The following DCDC2 variants were observed in gnomAD, a reference collection of about 807,000 sequenced individuals.
The protein encoded by DCDC2 is doublecortin domain containing 2.
A neutral mutation model predicts 50.2 loss-of-function variants in DCDC2; 40 were observed. The observed-to-expected ratio is 0.80, with a 90% CI of 0.62 to 1.04. DCDC2 has a LOEUF of 1.04. Among genes scored for constraint, DCDC2 ranks in the 50% least tolerant of loss-of-function variants. The probability of loss-of-function intolerance (pLI) is 0.00; values close to 1 mark genes in which losing one functional copy is unlikely to be tolerated. For missense variants in DCDC2, 570 were observed against 581.9 expected, an observed-to-expected ratio of 0.98 and a Z score of 0.21; for synonymous variants, 234 against 210.6, an observed-to-expected ratio of 1.11 and a Z score of -0.96.
intron 2 of DCDC2, among the ~76,000 whole-genome samples, chr6:24,342,560 T>C (rs1056709917): frequency 2.0e-5 from 3 of 152,192 alleles, no homozygotes; most frequent in Non-Finnish European, 4.4e-5. Context: ...GAAATTTAAA[T>C]AAGCCTCAAT....
At chr6:24,242,538 GC>G (rs1762586044) in intron 7 of DCDC2, among the ~76,000 whole-genome samples, 1 of 152,144 alleles carries the variant, frequency 6.6e-6, no homozygotes, top group African/African-American at 2.4e-5. Flanking sequence ...CCCACCGCCA[GC>G]CTCTGTGAGA....
intron 2 of DCDC2, among the ~76,000 whole-genome samples, chr6:24,312,252 C>T (rs941149229): frequency 1.3e-5 from 2 of 151,978 alleles, no homozygotes; most frequent in Non-Finnish European, 1.5e-5. Flanking sequence ...TCTGACTGCA[C>T]CCAGGTGATT....
chr6:24,344,947 C>T (rs1295059774), intron 2 of DCDC2, among the ~76,000 whole-genome samples: 2 of 152,084 alleles, frequency 1.3e-5, no homozygotes, highest in East Asian at 3.8e-4. Flanking sequence ...TGGGGAGGGG[C>T]TTCAATATTT....
chr6:24,228,634 C>CT (rs1472827702), intron 7 of DCDC2, among the ~76,000 whole-genome samples: 1 of 152,162 alleles, frequency 6.6e-6, no homozygotes, highest in Non-Finnish European at 1.5e-5. Context: ...ATAAGCATTT[C>CT]CAAGTCATTT....
intron 7 of DCDC2, among the ~76,000 whole-genome samples, chr6:24,243,548 GTTA>G (rs909305164): frequency 9.0e-5 from 13 of 143,928 alleles, no homozygotes; most frequent in African/African-American, 3.2e-4. Context: ...GTTAGCTATT[GTTA>G]TTATTATTAT....
At chr6:24,361,870 T>C (rs542649650), upstream of DCDC2, among the ~76,000 whole-genome samples, 1 of 152,294 alleles carries the variant, frequency 6.6e-6, no homozygotes, top group South Asian at 2.1e-4. Flanking sequence ...CTCCTGAGCT[T>C]AGATTCATTT....
In DCDC2 at chr6:24,280,368, GT is replaced by G. The variant is rs1250931728; in HGVS notation, c.760-2158del. 1.5e-3 allele frequency among the ~76,000 whole-genome samples: 210 copies of G among 140,594 alleles called. 1 individual carries two copies. Among genetic ancestry groups the G allele is most frequent in the East Asian group, 6.6e-3 (32 of 4,868 alleles). The allele number at this position is 140,594 out of a possible 152,430, so 92.2% of individuals were successfully genotyped here. A position where few individuals can be genotyped will look rare whatever the true frequency, so the allele number is the denominator to read the frequency against. On this transcript the variant is annotated intron_variant, in intron 6 of 9. Transcript: ENST00000378454. ...ATTATTATGGTCACTGCAACCAGGG[GT>G]TTTTTTTTTTTTTCTTTTCTTTGAG...
intron 7 of DCDC2, among the ~76,000 whole-genome samples, chr6:24,218,102 A>T (rs573025077): frequency 9.9e-5 from 15 of 152,222 alleles, no homozygotes; most frequent in African/African-American, 3.4e-4. Flanking sequence ...TCAGCAATTG[A>T]CACAAACACA....
intron 7 of DCDC2, among the ~76,000 whole-genome samples, chr6:24,221,770 G>T (rs746363781): frequency 6.6e-6 from 1 of 152,176 alleles, no homozygotes; most frequent in Non-Finnish European, 1.5e-5. Flanking sequence ...TGCCTAAGGC[G>T]GCATAGGCAG....
At chr6:24,309,304 G>A (rs1179486394) in intron 2 of DCDC2, among the ~76,000 whole-genome samples, 1 of 150,090 alleles carries the variant, frequency 6.7e-6, no homozygotes, top group African/African-American at 2.5e-5. Context: ...CAGCCCGGGC[G>A]ACACAGTGCA....
Position 24,291,091 on chromosome 6 carries a change from T to A in DCDC2, c.558-13A>T. 2 of 1,606,272 alleles carry A rather than the reference T, an allele frequency of 1.2e-6. No homozygotes were observed. Among genetic ancestry groups the A allele is most frequent in the Non-Finnish European group, 1.7e-6 (2 of 1,177,696 alleles). On this transcript the variant is annotated splice_polypyrimidine_tract_variant and intron_variant, in intron 4 of 9. Coordinates refer to ENST00000378454, the MANE Select transcript of DCDC2 (RefSeq NM_016356.5). ...TAAAGTATAAAGCCTGTCGAAAATA[T>A]GAACACCAACAATTAGAATTTTAAC...
At chr6:24,217,841 C>G (rs1446790785) in intron 7 of DCDC2, among the ~76,000 whole-genome samples, 1 of 152,178 alleles carries the variant, frequency 6.6e-6, no homozygotes, top group African/African-American at 2.4e-5. Context: ...GGTGGTTAAT[C>G]TTCCATCTTA....
chr6:24,323,161 G>A (rs960518166), intron 2 of DCDC2, among the ~76,000 whole-genome samples: 26 of 152,224 alleles, frequency 1.7e-4, no homozygotes, highest in African/African-American at 6.3e-4. Context: ...AGTGAGCCAA[G>A]ATTATGCCAC....
intron 6 of DCDC2, among the ~76,000 whole-genome samples, chr6:24,285,347 C>A (rs1763578423): frequency 1.3e-5 from 2 of 152,332 alleles, no homozygotes; most frequent in South Asian, 2.1e-4. Context: ...ACGTCACTTC[C>A]TCCATGAGGC....
chr6:24,218,699 G>A (rs912628237), intron 7 of DCDC2, among the ~76,000 whole-genome samples: 5 of 152,124 alleles, frequency 3.3e-5, no homozygotes, highest in African/African-American at 9.7e-5. Flanking sequence ...ACATTGCCCA[G>A]GCTGGTCCTG....
intron 8 of DCDC2, among the ~76,000 whole-genome samples, chr6:24,195,242 A>G (rs1761407000): frequency 6.6e-6 from 1 of 152,220 alleles, no homozygotes. Context: ...ACGCAATAGC[A>G]GTAGCCAAAA....
rs3077132 is a variant in DCDC2, at chr6:24,289,971, C to CTTTTTTTTTTT, written c.704+950_704+960dup. Among the ~76,000 whole-genome samples the CTTTTTTTTTTT allele has an allele frequency of 1.3e-4, 8 of 61,042 alleles. 1 individual carries two copies. Among genetic ancestry groups the CTTTTTTTTTTT allele is most frequent in the Non-Finnish European group, 1.7e-4 (5 of 29,544 alleles). 40.0% of individuals were successfully genotyped at this position (61,042 alleles called of 152,430 possible). ...TCCTGCAGCATGGGCCAGAGCTCTTCTTTTTTTTTTTTTTTTTTTTTTTTT... is the reference window on the plus strand; with the variant it reads ...TCCTGCAGCATGGGCCAGAGCTCTTCTTTTTTTTTTTTTTTTTTTTTTTTTTTTTTTTTTTT... On this transcript the variant is annotated intron_variant, in intron 5 of 9. Transcript: ENST00000378454.
chr6:24,302,112 A>T, intron 2 of DCDC2, 68 bp from the exon 3 acceptor site: 1 of 1,408,408 alleles, frequency 7.1e-7, no homozygotes, highest in Admixed American at 2.2e-5. Flanking sequence ...CCTATGAGGA[A>T]AATCTACAGT....
Position 24,357,855 on chromosome 6 carries a change from G to A in DCDC2, c.-105C>T, listed in dbSNP as rs201096809. 1.4e-4 allele frequency: 223 copies of A among 1,588,578 alleles called. No homozygotes were observed. The highest frequency in any genetic ancestry group is 8.4e-4 in the South Asian group (73 of 87,400). ...AGGGCGCGGGATCGCCTCCTGAAAC[G>A]AACGAGAAACTGACGAATCCACAGG... On this transcript the variant is annotated 5_prime_UTR_variant, in exon 1 of 10. Coordinates refer to ENST00000378454, the MANE Select transcript of DCDC2 (RefSeq NM_016356.5).
Sources: allele counts gnomAD v4.1 joint callset (sites outside exome capture counted in the v4.1 genomes callset), GRCh38; gene constraint gnomAD v4.1.1; transcripts MANE v1.5; gene names NCBI Gene and HGNC (gene_info 2026-07-23, HGNC 2026-07-21).